Variants in ITGB1 observed in about 807,000 individuals in gnomAD.
ITGB1 encodes integrin subunit beta 1.
ITGB1 carries 24 observed loss-of-function variants against 86.5 expected under a neutral mutation model. The observed-to-expected ratio is 0.28, with a 90% CI of 0.20 to 0.39. The LOEUF (loss-of-function observed/expected upper bound fraction) is 0.39, where lower values mean the gene tolerates loss of function less well. Among genes scored for constraint, ITGB1 ranks in the 10% least tolerant of loss-of-function variants. ITGB1 has a pLI of 1.00. For synonymous variants in ITGB1, 323 were observed against 316.8 expected (o/e 1.02, Z -0.21); for missense variants, 556 against 946.9 (o/e 0.59, Z 5.42).
At chr10:32,921,155 A>AC (rs2094948491) in intron 9 of ITGB1, among the ~76,000 whole-genome samples, 1 of 127,342 alleles carries the variant, frequency 7.9e-6, no homozygotes, top group Non-Finnish European at 1.7e-5. Flanking sequence ...GAACCATTGT[A>AC]GCCCAGCCAA....
chr10:32,958,189 T>A lies in ITGB1; in HGVS notation c.-45A>T, dbSNP rs1593894789. ...GGGCCCGGCGCGGTGGGCTCGGGCC[T>A]GCTGTTCCGCGACTCCCGCTGGGCC... On this transcript the variant is annotated 5_prime_UTR_variant, in exon 1 of 16. Transcript: ENST00000302278. 1 of 150,826 alleles carries A rather than the reference T, an allele frequency of 6.6e-6. No individual in the cohort carries two copies. The highest frequency in any genetic ancestry group is 2.4e-5 in the African/African-American group (1 of 40,988). The allele number at this position is 150,826 out of a possible 1,614,324, so 9.3% of individuals were successfully genotyped here.
chr10:32,935,772 T>A lies in ITGB1; in HGVS notation c.1-214A>T, dbSNP rs1233152378. On this transcript the variant is annotated intron_variant, in intron 1 of 15. Coordinates refer to ENST00000302278, the MANE Select transcript of ITGB1 (RefSeq NM_002211.4). Reference sequence around the variant, plus strand: ...ACCTACACTGCGAAAATAACTTCCATACCAGAGCCCCAGAATCCATTCGTG... The same window carrying A: ...ACCTACACTGCGAAAATAACTTCCAAACCAGAGCCCCAGAATCCATTCGTG... 1.4e-5 allele frequency: 6 copies of A among 440,630 alleles called. No homozygotes were observed. In the East Asian group the frequency reaches 1.7e-4, roughly 13 times the overall value. 27.3% of individuals were successfully genotyped at this position (440,630 alleles called of 1,614,324 possible). A position where few individuals can be genotyped will look rare whatever the true frequency, so the allele number is the denominator to read the frequency against.
At chr10:32,927,998 G>C in intron 5 of ITGB1, 96 bp downstream of exon 5, 1 of 731,890 alleles carries the variant, frequency 1.4e-6, no homozygotes, top group Admixed American at 2.5e-5. Context: ...TATCTCACAA[G>C]TATGTTGTGA....
chr10:32,935,386 A>G, intron 2 of ITGB1, 106 bp downstream of exon 2: 1 of 693,502 alleles, frequency 1.4e-6, no homozygotes, highest in Non-Finnish European at 2.6e-6. Flanking sequence ...GGCTTCCAGA[A>G]GGAGCAGCAT....
At chr10:32,937,554 C>CAAAAAAAAAAAAAAAAAAAACAAAAAAA (rs2095006594) in intron 1 of ITGB1, among the ~76,000 whole-genome samples, 1 of 91,914 alleles carries the variant, frequency 1.1e-5, no homozygotes, top group African/African-American at 4.8e-5. Context: ...GACTCCGTCT[C>CAAAAAAAAAAAAAAAAAAAACAAAAAAA]AAAAAAAAAA....
At chr10:32,903,887 G>C (rs534726058) in intron 15 of ITGB1, among the ~76,000 whole-genome samples, 52 of 151,676 alleles carry the variant, frequency 3.4e-4, no homozygotes, top group African/African-American at 1.2e-3. Context: ...TTGAGGCTAA[G>C]TGCTACACAT....
rs557954411 is a variant in ITGB1, at chr10:32,913,263, C to A, written c.1470-1139G>T. ...CTAAAATTTGAGCACCTCTTCTCCT[C>A]CAAAGAAATGCACCTCCTCACCAGC... On this transcript the variant is annotated intron_variant, in intron 11 of 15. Coordinates refer to ENST00000302278, the MANE Select transcript of ITGB1 (RefSeq NM_002211.4). Among the ~76,000 whole-genome samples, 3 of 151,776 alleles carry A rather than the reference C, an allele frequency of 2.0e-5. No individual in the cohort carries two copies. The East Asian group carries it at 5.8e-4, about 29-fold the overall frequency.
At position 32,922,631 on chromosome 10, in the gene ITGB1, C is replaced by T; in HGVS notation, c.1038+9G>A. 6.8e-7 allele frequency: 1 copy of T among 1,469,430 alleles called. No homozygotes were observed. The highest frequency in any genetic ancestry group is 9.5e-7 in the Non-Finnish European group (1 of 1,056,292). 91.0% of individuals were successfully genotyped at this position (1,469,430 alleles called of 1,614,324 possible). The stretch of plus-strand genomic sequence containing the variant: ...TTAGAATCTTGTTCTTTTTATCTCA[C>T]ACATTTACCTTGTAAACAGGCTGAA... On this transcript the variant is annotated intron_variant, in intron 8 of 15. Transcript: ENST00000302278.
At chr10:32,940,789 G>A (rs1307953049) in intron 1 of ITGB1, among the ~76,000 whole-genome samples, 5 of 152,072 alleles carry the variant, frequency 3.3e-5, no homozygotes, top group Non-Finnish European at 5.9e-5. Flanking sequence ...GAAGTACATC[G>A]GTTTACTACC....
At position 32,920,356 on chromosome 10, in the gene ITGB1, G is replaced by A. The variant is rs199940049; in HGVS notation, c.1158C>T (p.Asn386=). ...TTGTTACGCCTTCTGACAATTTGCC[G>A]TTTTCCAAAATGACTTCTGAGGAAA... The part of the protein sequence containing the change: ...NSLSSEVILE[N]GKLSEGVTIS... The change falls in exon 10 of 16, where the codon AAC becomes AAT. Residue 386 remains asparagine, a synonymous_variant. Transcript: ENST00000302278. 1.0e-4 allele frequency: 161 copies of A among 1,613,196 alleles called. 1 individual carries two copies. The highest frequency in any genetic ancestry group is 1.2e-4 in the Non-Finnish European group (146 of 1,179,492).
At chr10:32,957,475 A>C (rs1019721208) in intron 1 of ITGB1, among the ~76,000 whole-genome samples, 2 of 152,076 alleles carry the variant, frequency 1.3e-5, no homozygotes, top group African/African-American at 2.4e-5. Flanking sequence ...ACGTTTATAA[A>C]CACGGGGAAG....
In ITGB1 at chr10:32,908,554, T is replaced by G. The variant is rs1408948899; in HGVS notation, c.2165-20A>C. On this transcript the variant is annotated intron_variant, in intron 14 of 15. Transcript: ENST00000302278. ...GACACTCTGGAAAATAAGAAGGTAATAATGAGCACCACAAAGAGCTGTGCA... is the reference window on the plus strand; with the variant it reads ...GACACTCTGGAAAATAAGAAGGTAAGAATGAGCACCACAAAGAGCTGTGCA... 6.2e-7 allele frequency: 1 copy of G among 1,609,260 alleles called. No homozygotes were observed.
At chr10:32,934,339 G>A (rs1484812109) in intron 2 of ITGB1, among the ~76,000 whole-genome samples, 1 of 152,134 alleles carries the variant, frequency 6.6e-6, no homozygotes, top group Non-Finnish European at 1.5e-5. Context: ...CATTTACATT[G>A]TATTAAGTAT....
At chr10:32,955,793 C>T (rs2095051130) in intron 1 of ITGB1, 2 of 152,124 alleles carry the variant, frequency 1.3e-5, no homozygotes, top group South Asian at 2.1e-4. Flanking sequence ...CAGAAAGCTG[C>T]CTAATTGTTA....
At chr10:32,942,984 C>A (rs1593883037) in intron 1 of ITGB1, among the ~76,000 whole-genome samples, 1 of 152,144 alleles carries the variant, frequency 6.6e-6, no homozygotes, top group South Asian at 2.1e-4. Context: ...CCACTGCATT[C>A]CAGGCTGGGC....
chr10:32,926,630 G>A (rs1288076975), intron 5 of ITGB1, among the ~76,000 whole-genome samples: 1 of 152,178 alleles, frequency 6.6e-6, no homozygotes, highest in East Asian at 1.9e-4. Flanking sequence ...GGCCTCCCCA[G>A]AGGCCTTGCT....
At chr10:32,947,625 G>GT (rs1256776394) in intron 1 of ITGB1, among the ~76,000 whole-genome samples, 1 of 152,062 alleles carries the variant, frequency 6.6e-6, no homozygotes, top group African/African-American at 2.4e-5. Context: ...CATGTTTTCT[G>GT]TATCTAGCGC....
Position 32,923,708 on chromosome 10 carries a change from C to T in ITGB1, c.819G>A (p.Leu273=), listed in dbSNP as rs2094956697. 1 of 1,613,812 alleles carries T rather than the reference C, an allele frequency of 6.2e-7. No homozygotes were observed. Among genetic ancestry groups the T allele is most frequent in the East Asian group, 2.2e-5 (1 of 44,860 alleles). Residue 273 remains leucine, a synonymous_variant, in exon 7 of 16, where the codon CTG becomes CTA. Transcript: ENST00000302278. ...SLIGWRNVTR[L]LVFSTDAGFH... Reference sequence around the variant, plus strand: ...ACCCGGCATCTGTGGAAAACACCAGCAGCCGTGTAACATTCCTCCAGCCAA... The same window carrying T: ...ACCCGGCATCTGTGGAAAACACCAGTAGCCGTGTAACATTCCTCCAGCCAA...
intron 1 of ITGB1, among the ~76,000 whole-genome samples, chr10:32,939,640 A>G (rs996336032): frequency 6.6e-6 from 1 of 152,224 alleles, no homozygotes; most frequent in African/African-American, 2.4e-5. Flanking sequence ...AGTATGGTAC[A>G]AAAGATTTTA....
Sources: gnomAD v4.1 joint callset for allele counts (sites outside exome capture counted in the v4.1 genomes callset) on GRCh38, gnomAD v4.1.1 for gene constraint, MANE v1.5 for transcripts, NCBI Gene and HGNC (gene_info 2026-07-23, HGNC 2026-07-21) for gene names.